Variants in DAB2IP observed in about 807,000 individuals in gnomAD.
DAB2IP encodes the protein DAB2 interacting protein.
A neutral mutation model predicts 107.2 loss-of-function variants in DAB2IP; 28 were observed. That is an observed-to-expected ratio of 0.26 (90% CI 0.19 to 0.36). The LOEUF is 0.36. Among genes scored for constraint, DAB2IP ranks in the 10% least tolerant of loss-of-function variants. DAB2IP has a pLI of 1.00. For synonymous variants in DAB2IP, 755 were observed against 706.4 expected (o/e 1.07, Z -1.09); for missense variants, 1,400 against 1,644.7 (o/e 0.85, Z 2.57).
intron 2 of DAB2IP, among the ~76,000 whole-genome samples, chr9:121,687,949 C>A (rs1828969515): frequency 6.6e-6 from 1 of 152,158 alleles, no homozygotes; most frequent in Non-Finnish European, 1.5e-5. Context: ...GGCCACACGG[C>A]TTGCAGGGAC....
rs199563033 is a variant in DAB2IP, at chr9:121,770,658, C to T, written c.2012C>T (p.Pro671Leu). Reference sequence around the variant, plus strand: ...GGGACCAATGACCTGGCCTCCACACCGGGCTCTGGCAGCAGCAGCATCTCA... The same window carrying T: ...GGGACCAATGACCTGGCCTCCACACTGGGCTCTGGCAGCAGCAGCATCTCA... Residue 671 changes from proline to leucine, a missense_variant, in exon 11 of 16, where the codon CCG (proline) becomes CTG (leucine). Coordinates refer to ENST00000408936, the Ensembl canonical transcript of DAB2IP. 115 of 1,614,024 alleles carry T rather than the reference C, an allele frequency of 7.1e-5. No individual in the cohort carries two copies. Among genetic ancestry groups the T allele is most frequent in the Middle Eastern group, 3.3e-4 (2 of 6,084 alleles).
chr9:121,673,542 C>G (rs1564148015), intron 1 of DAB2IP, among the ~76,000 whole-genome samples: 1 of 152,036 alleles, frequency 6.6e-6, no homozygotes, highest in Non-Finnish European at 1.5e-5. Context: ...TGTACAAAGC[C>G]CAGTATACAC....
chr9:121,783,871 G>A lies in DAB2IP; in HGVS notation c.*1373G>A, dbSNP rs116082214. On this transcript the variant is annotated 3_prime_UTR_variant, in exon 16 of 16. Coordinates refer to ENST00000408936, the Ensembl canonical transcript of DAB2IP. ...GGAGCTTGGGTCTCTCTCGGCCCCT[G>A]TCTGTTCCCAGCCCCTGCAGATTCT... 1.8e-3 allele frequency: 732 copies of A among 411,930 alleles called. 5 individuals are homozygous for A. The highest frequency in any genetic ancestry group is 0.013 in the African/African-American group (665 of 50,270). 25.5% of individuals were successfully genotyped at this position (411,930 alleles called of 1,614,324 possible).
chr9:121,774,159 G>A, intron 12 of DAB2IP, 101 bp from the exon 13 acceptor site: 2 of 1,320,312 alleles, frequency 1.5e-6, no homozygotes, highest in South Asian at 3.3e-5. Context: ...TTCCCACCGT[G>A]TCCCAGAGTT....
intron 1 of DAB2IP, among the ~76,000 whole-genome samples, chr9:121,661,743 G>A (rs1412841283): frequency 2.0e-5 from 3 of 152,208 alleles, no homozygotes; most frequent in Admixed American, 6.5e-5. Flanking sequence ...AACACTTTGG[G>A]AGGCCAAGGC....
intron 4 of DAB2IP, 31 bp from the exon 5 acceptor site, chr9:121,758,867 C>T (rs765001856): frequency 6.2e-7 from 1 of 1,602,182 alleles, no homozygotes; most frequent in Non-Finnish European, 8.5e-7. Flanking sequence ...GGTCCCTTCC[C>T]TCATAACACT....
intron 1 of DAB2IP, among the ~76,000 whole-genome samples, chr9:121,616,581 T>C (rs1214783510): frequency 2.0e-5 from 3 of 152,248 alleles, no homozygotes; most frequent in Non-Finnish European, 2.9e-5. Flanking sequence ...CTTTGAATTT[T>C]TCCCCACTTA....
intron 1 of DAB2IP, chr9:121,567,293 C>A: frequency 6.2e-7 from 1 of 1,609,304 alleles, no homozygotes; most frequent in South Asian, 1.1e-5. Context: ...AGACTTTTCT[C>A]TGCTATAGGA....
chr9:121,785,174 G>A (rs1765874719), exon 16 of DAB2IP: 1 of 152,644 alleles, frequency 6.6e-6, no homozygotes. Context: ...GAGGACCGAG[G>A]CTACAGCTCC....
intron 1 of DAB2IP, among the ~76,000 whole-genome samples, chr9:121,615,054 T>C (rs1291704633): frequency 1.3e-5 from 2 of 152,104 alleles, no homozygotes; most frequent in African/African-American, 4.8e-5. Flanking sequence ...TCAGAAGTTA[T>C]CTCAAGCACT....
chr9:121,764,457 T>G (rs1002734164), intron 8 of DAB2IP, among the ~76,000 whole-genome samples: 3 of 152,310 alleles, frequency 2.0e-5, no homozygotes, highest in Non-Finnish European at 4.4e-5. Context: ...CCGGAATCAG[T>G]CCCGGAGAAA....
intron 2 of DAB2IP, among the ~76,000 whole-genome samples, chr9:121,691,795 C>G (rs879762224): frequency 1.3e-5 from 2 of 152,000 alleles, no homozygotes; most frequent in Non-Finnish European, 2.9e-5. Flanking sequence ...CTGGGGATTC[C>G]TAGAGATTGA....
intron 1 of DAB2IP, among the ~76,000 whole-genome samples, chr9:121,627,169 A>AC (rs1466277050): frequency 2.0e-5 from 3 of 148,042 alleles, no homozygotes; most frequent in African/African-American, 7.5e-5. Flanking sequence ...ACACACACAC[A>AC]AGCATATGTA....
At chr9:121,773,024 G>A in exon 12 of DAB2IP, 1 of 1,612,214 alleles carries the variant, frequency 6.2e-7, no homozygotes. Flanking sequence ...AGAACCCTGT[G>A]TACCAGATGG....
chr9:121,624,896 A>C (rs1831589446), intron 1 of DAB2IP, among the ~76,000 whole-genome samples: 1 of 152,222 alleles, frequency 6.6e-6, no homozygotes, highest in Non-Finnish European at 1.5e-5. Flanking sequence ...GTAAGTCTCA[A>C]TAAGTATTCA....
intron 6 of DAB2IP, among the ~76,000 whole-genome samples, chr9:121,763,129 T>G (rs550467043): frequency 1.3e-5 from 2 of 152,320 alleles, no homozygotes; most frequent in African/African-American, 4.8e-5. Flanking sequence ...TTGGCACTGA[T>G]GGTGCGGGGA....
chr9:121,587,864 A>T (rs1328666133), intron 1 of DAB2IP, among the ~76,000 whole-genome samples: 1 of 152,168 alleles, frequency 6.6e-6, no homozygotes, highest in African/African-American at 2.4e-5. Flanking sequence ...GTGTGTCCCA[A>T]ATATTGCATA....
At chr9:121,670,449 A>G (rs1442934736) in intron 1 of DAB2IP, among the ~76,000 whole-genome samples, 2 of 152,228 alleles carry the variant, frequency 1.3e-5, no homozygotes, top group Admixed American at 1.3e-4. Context: ...GGCTCTAGGG[A>G]AAAACCCATT....
chr9:121,769,505 C>A (rs1016306831), intron 10 of DAB2IP, among the ~76,000 whole-genome samples: 1 of 152,222 alleles, frequency 6.6e-6, no homozygotes, highest in Non-Finnish European at 1.5e-5. Flanking sequence ...CTCCACCACC[C>A]CCAGGGACTT....
Sources: allele counts gnomAD v4.1 joint callset (sites outside exome capture counted in the v4.1 genomes callset), GRCh38; gene constraint gnomAD v4.1.1; transcripts MANE v1.5; gene names NCBI Gene and HGNC (gene_info 2026-07-23, HGNC 2026-07-21).